Variants in PPP2R2C observed in about 807,000 individuals in gnomAD.
The protein encoded by PPP2R2C is protein phosphatase 2 regulatory subunit Bgamma.
PPP2R2C carries 10 observed loss-of-function variants against 45.3 expected under a neutral mutation model. The observed-to-expected ratio is 0.22, with a 90% confidence interval of 0.14 to 0.37. PPP2R2C has a LOEUF of 0.37. Among genes scored for constraint, PPP2R2C ranks in the 10% least tolerant of loss-of-function variants. PPP2R2C has a pLI of 1.00. For missense variants in PPP2R2C, 308 were observed against 619.7 expected, an observed-to-expected ratio of 0.50 and a Z score of 5.34; for synonymous variants, 257 against 245.4, an observed-to-expected ratio of 1.05 and a Z score of -0.44.
chr4:6,442,076 C>A (rs1275001228), intron 1 of PPP2R2C, among the ~76,000 whole-genome samples: 2 of 152,220 alleles, frequency 1.3e-5, no homozygotes, highest in Non-Finnish European at 2.9e-5. Flanking sequence ...AGGACCGTCT[C>A]ACCCTGGAAT....
At chr4:6,366,894 C>T (rs532188535) in intron 5 of PPP2R2C, among the ~76,000 whole-genome samples, 62 of 152,020 alleles carry the variant, frequency 4.1e-4, no homozygotes, top group South Asian at 8.3e-4. Context: ...GAGGGGAACC[C>T]GTGAGAGTTT....
chr4:6,511,510 GTGGTGGTGGTGGTGA>G (rs1560593754), intron 2 of PPP2R2C, among the ~76,000 whole-genome samples: 7 of 27,906 alleles, frequency 2.5e-4, no homozygotes, highest in Non-Finnish European at 5.6e-4. Context: ...GGTGATGGTG[GTGGTGGTGGTGGTGA>G]TGGTGGTGGT....
At chr4:6,507,883 G>A (rs1243689414) in intron 2 of PPP2R2C, among the ~76,000 whole-genome samples, 1 of 152,220 alleles carries the variant, frequency 6.6e-6, no homozygotes. Flanking sequence ...TCTATGAAAT[G>A]GGAGGGTTGA....
chr4:6,404,936 G>A (rs183663199), intron 1 of PPP2R2C, among the ~76,000 whole-genome samples: 10 of 152,300 alleles, frequency 6.6e-5, no homozygotes, highest in Middle Eastern at 6.8e-3. Context: ...GCAAGGCACC[G>A]CACCTCTGCC....
chr4:6,548,909 T>C (rs1725084734), intron 1 of PPP2R2C, among the ~76,000 whole-genome samples: 1 of 152,180 alleles, frequency 6.6e-6, no homozygotes, highest in Non-Finnish European at 1.5e-5. Flanking sequence ...CCTCCCTAAA[T>C]GAACAGTGCC....
At chr4:6,537,404 A>C (rs1724662328) in intron 1 of PPP2R2C, among the ~76,000 whole-genome samples, 1 of 152,104 alleles carries the variant, frequency 6.6e-6, no homozygotes, top group Non-Finnish European at 1.5e-5. Context: ...GTTTGGTTCA[A>C]ACATTGATTT....
rs1731752833 is a variant in PPP2R2C at position 6,324,118 on chromosome 4, C to T, written c.1053-525G>A. Among the ~76,000 whole-genome samples the T allele has an allele frequency of 6.6e-6, 1 of 152,078 alleles. No homozygotes were observed. Among genetic ancestry groups the T allele is most frequent in the South Asian group, 2.1e-4 (1 of 4,830 alleles). ...GCCAGGAGCTAAGATCCTTTTTATC[C>T]TCTGCCCCAATCATCATGAAAATAC... On this transcript the variant is annotated intron_variant, in intron 8 of 8. Transcript: ENST00000382599. The surrounding 1 kb of genome is among the most constrained non-coding windows in gnomAD (Gnocchi z 4.1).
intron 1 of PPP2R2C, among the ~76,000 whole-genome samples, chr4:6,540,284 T>C (rs904100457): frequency 2.0e-5 from 3 of 152,248 alleles, no homozygotes; most frequent in African/African-American, 4.8e-5. Context: ...TTTCTGATTA[T>C]GAACATCTCC....
At chr4:6,531,845 C>T (rs536509652) in intron 2 of PPP2R2C, among the ~76,000 whole-genome samples, 1 of 152,276 alleles carries the variant, frequency 6.6e-6, no homozygotes, top group Non-Finnish European at 1.5e-5. Flanking sequence ...AGTGAAGAGG[C>T]TGAGGCAGCA....
At chr4:6,344,941 C>T (rs1014783418) in intron 6 of PPP2R2C, among the ~76,000 whole-genome samples, 1 of 152,166 alleles carries the variant, frequency 6.6e-6, no homozygotes, top group African/African-American at 2.4e-5. Flanking sequence ...TCCTTCTCTC[C>T]CTCAAAAGGA....
At chr4:6,342,151 T>C (rs191171365) in intron 6 of PPP2R2C, among the ~76,000 whole-genome samples, 22 of 151,340 alleles carry the variant, frequency 1.5e-4, no homozygotes, top group Middle Eastern at 3.4e-3. Flanking sequence ...CATACATATA[T>C]ATATAAGAAA....
At chr4:6,531,905 G>T (rs1724415345) in intron 2 of PPP2R2C, among the ~76,000 whole-genome samples, 1 of 152,140 alleles carries the variant, frequency 6.6e-6, no homozygotes. Context: ...GACACCGGAT[G>T]CCCCGTCCTG....
intron 8 of PPP2R2C, among the ~76,000 whole-genome samples, chr4:6,326,787 C>T (rs1015420009): frequency 3.0e-4 from 46 of 152,334 alleles, no homozygotes; most frequent in African/African-American, 1.1e-3. Flanking sequence ...AGCACGCTGC[C>T]CATCTGCGTT....
intron 5 of PPP2R2C, among the ~76,000 whole-genome samples, chr4:6,366,169 C>G (rs1577112591): frequency 6.6e-6 from 1 of 152,302 alleles, no homozygotes; most frequent in East Asian, 1.9e-4. Context: ...GCACCAGGCT[C>G]TTTATGTGAA....
rs1484635073 is a variant in PPP2R2C, at chr4:6,455,866, C to T, written c.70+16294G>A. Among the ~76,000 whole-genome samples, 8 of 151,998 alleles carry T rather than the reference C, an allele frequency of 5.3e-5. No individual in the cohort carries two copies. In the East Asian group the frequency reaches 1.4e-3, roughly 26 times the overall value. On this transcript the variant is annotated intron_variant, in intron 1 of 8. Transcript: ENST00000382599. ...CTGCCTACTGCTGTGGACCACCAAC[C>T]ACTGCTGCCCACAGCCTTGCATCTC...
upstream of PPP2R2C, among the ~76,000 whole-genome samples, chr4:6,474,271 A>G (rs1207596797): frequency 6.6e-6 from 1 of 151,112 alleles, no homozygotes; most frequent in Non-Finnish European, 1.5e-5. Context: ...GGAGCCAGCA[A>G]AATGGCTATG....
At chr4:6,410,861 ATTTATTTATTTATTTAT>A (rs2109367610) in intron 1 of PPP2R2C, among the ~76,000 whole-genome samples, 1 of 146,812 alleles carries the variant, frequency 6.8e-6, no homozygotes, top group African/African-American at 2.6e-5. Context: ...TTATTTATTT[ATTTATTTATTTATTTAT>A]TTATTTATTA....
chr4:6,391,078 A>G (rs1316024681), intron 1 of PPP2R2C, among the ~76,000 whole-genome samples: 1 of 151,928 alleles, frequency 6.6e-6, no homozygotes, highest in Non-Finnish European at 1.5e-5. Flanking sequence ...TGGTGGGAGT[A>G]TTTTTGGGGG....
intron 1 of PPP2R2C, among the ~76,000 whole-genome samples, chr4:6,464,377 A>G (rs1721485118): frequency 6.6e-6 from 1 of 152,186 alleles, no homozygotes. Flanking sequence ...AGACTCCTCC[A>G]GCAGCTTCAG....
Sources: gnomAD v4.1 joint callset for allele counts (sites outside exome capture counted in the v4.1 genomes callset) on GRCh38, gnomAD v4.1.1 for gene constraint, Gnocchi (gnomAD v3.1) non-coding constraint, MANE v1.5 for transcripts, NCBI Gene and HGNC (gene_info 2026-07-23, HGNC 2026-07-21) for gene names.